SCMH1: variants seen among roughly 807,000 people sequenced by gnomAD.
SCMH1 encodes the protein Scm polycomb group protein homolog 1, also known as polycomb protein SCMH1.
Under a neutral mutation model 70.8 loss-of-function variants are expected in SCMH1, and 37 were observed. That is an observed-to-expected ratio of 0.52 (90% confidence interval 0.40 to 0.69). The LOEUF is 0.69. Among genes scored for constraint, SCMH1 ranks in the 30% least tolerant of loss-of-function variants. The probability of loss-of-function intolerance (pLI) is 0.00; values close to 1 mark genes in which losing one functional copy is unlikely to be tolerated. For missense variants in SCMH1, 607 were observed against 827.3 expected (o/e 0.73, Z 3.27); for synonymous variants, 292 against 307.4 (o/e 0.95, Z 0.52).
At chr1:41,208,034 C>A (rs1655989849) in intron 1 of SCMH1, among the ~76,000 whole-genome samples, 1 of 116,008 alleles carries the variant, frequency 8.6e-6, no homozygotes. Flanking sequence ...CCCAAATGTC[C>A]AACAATGATA....
chr1:41,230,424 C>T (rs58224420), intron 1 of SCMH1, among the ~76,000 whole-genome samples: 1,971 of 152,088 alleles, frequency 0.013, 41 homozygotes, highest in African/African-American at 0.045. Context: ...GAGGCTGAGG[C>T]GGGAGGATCA....
intron 10 of SCMH1, among the ~76,000 whole-genome samples, chr1:41,053,897 T>G (rs1357231268): frequency 6.6e-6 from 1 of 151,658 alleles, no homozygotes; most frequent in Non-Finnish European, 1.5e-5. Context: ...CAGGCTGGAG[T>G]GCATTGGCGT....
chr1:41,033,236 T>C (rs1558289955), intron 13 of SCMH1, among the ~76,000 whole-genome samples: 1 of 148,794 alleles, frequency 6.7e-6, no homozygotes, highest in Non-Finnish European at 1.5e-5. Flanking sequence ...CAATGAGCCA[T>C]GATTGAGCCA....
At chr1:41,071,690 T>A (rs1656572088) in intron 9 of SCMH1, among the ~76,000 whole-genome samples, 1 of 151,324 alleles carries the variant, frequency 6.6e-6, no homozygotes, top group South Asian at 2.1e-4. Flanking sequence ...TGAGACAGAG[T>A]CTTGCTCTGT....
In SCMH1 at chr1:41,170,511, G is replaced by A. The variant is rs575933275; in HGVS notation, c.14-9079C>T. 6.6e-5 allele frequency among the ~76,000 whole-genome samples: 10 copies of A among 152,284 alleles called. No individual in the cohort carries two copies. The East Asian group carries it at 1.9e-3, about 29-fold the overall frequency. On this transcript the variant is annotated intron_variant, in intron 2 of 14. Transcript: ENST00000337495. ...TTTGGTGCATTCATGGGTGGAGGGA[G>A]AGTCAGGAGTTTCCTATTCTGCCAC...
At chr1:41,109,026 A>T (rs1668644560) in intron 8 of SCMH1, among the ~76,000 whole-genome samples, 1 of 152,172 alleles carries the variant, frequency 6.6e-6, no homozygotes, top group African/African-American at 2.4e-5. Context: ...GAAGCTTTGA[A>T]GAAGGGCCAA....
At chr1:41,177,170 G>T (rs1647219652) in intron 2 of SCMH1, among the ~76,000 whole-genome samples, 1 of 152,238 alleles carries the variant, frequency 6.6e-6, no homozygotes, top group Non-Finnish European at 1.5e-5. Flanking sequence ...TAGACCTGCA[G>T]CTGAGGGTCC....
At chr1:41,184,815 AAC>A (rs1158513556) in intron 2 of SCMH1, among the ~76,000 whole-genome samples, 1 of 152,184 alleles carries the variant, frequency 6.6e-6, no homozygotes, top group African/African-American at 2.4e-5. Flanking sequence ...TAACTAGATA[AAC>A]TTCTAAGACC....
intron 1 of SCMH1, among the ~76,000 whole-genome samples, chr1:41,220,920 G>C (rs1659120345): frequency 6.6e-6 from 1 of 152,192 alleles, no homozygotes; most frequent in Non-Finnish European, 1.5e-5. Context: ...AGAAATCTTA[G>C]AGAGAACACA....
At chr1:41,093,540 C>A (rs1664253604) in intron 8 of SCMH1, among the ~76,000 whole-genome samples, 1 of 152,002 alleles carries the variant, frequency 6.6e-6, no homozygotes, top group East Asian at 1.9e-4. Flanking sequence ...AAAAGTTAAT[C>A]AAAATGTGAA....
chr1:41,071,376 CCT>C (rs1237113509), intron 9 of SCMH1, among the ~76,000 whole-genome samples: 2 of 151,942 alleles, frequency 1.3e-5, no homozygotes, highest in Non-Finnish European at 2.9e-5. Context: ...TTTTATGTTA[CCT>C]CTGTTTTTTG....
chr1:41,036,414 C>A (rs991217256), intron 13 of SCMH1, among the ~76,000 whole-genome samples: 1 of 152,218 alleles, frequency 6.6e-6, no homozygotes, highest in Non-Finnish European at 1.5e-5. Flanking sequence ...TTCCTCACAT[C>A]TGATTAAATC....
At chr1:41,239,986 A>G (rs767053812) in intron 1 of SCMH1, among the ~76,000 whole-genome samples, 19 of 152,162 alleles carry the variant, frequency 1.2e-4, no homozygotes, top group Non-Finnish European at 1.5e-5. Flanking sequence ...CTCATAGTTA[A>G]GTATCCTCTA....
intron 1 of SCMH1, among the ~76,000 whole-genome samples, chr1:41,200,548 G>A (rs1654120409): frequency 6.7e-6 from 1 of 149,426 alleles, no homozygotes; most frequent in South Asian, 2.1e-4. Flanking sequence ...ATGCTTGTGA[G>A]GAAAACAGAG....
chr1:41,046,306 G>A (rs1371714731), intron 12 of SCMH1, 101 bp downstream of exon 12: 8 of 948,528 alleles, frequency 8.4e-6, no homozygotes, highest in Non-Finnish European at 1.3e-5. Context: ...CTAGATAGTA[G>A]GTGCCAGGCC....
chr1:41,102,082 T>A (rs1472065343), intron 8 of SCMH1, among the ~76,000 whole-genome samples: 2 of 152,228 alleles, frequency 1.3e-5, no homozygotes, highest in Non-Finnish European at 2.9e-5. Flanking sequence ...GAATTTATCA[T>A]CAGATTTCTC....
At chr1:41,145,811 C>G (rs1335508404) in intron 5 of SCMH1, among the ~76,000 whole-genome samples, 1 of 152,150 alleles carries the variant, frequency 6.6e-6, no homozygotes, top group Non-Finnish European at 1.5e-5. Context: ...TAGAGCAACA[C>G]ATTACTCACA....
intron 10 of SCMH1, 151 bp downstream of exon 10, chr1:41,070,444 A>G (rs902983766): frequency 1.9e-6 from 2 of 1,047,820 alleles, no homozygotes; most frequent in African/African-American, 1.6e-5. Flanking sequence ...TGATTGTCTG[A>G]CATTATTTCA....
chr1:41,224,367 A>G (rs1659870426), intron 1 of SCMH1, among the ~76,000 whole-genome samples: 1 of 152,224 alleles, frequency 6.6e-6, no homozygotes, highest in Admixed American at 6.5e-5. Context: ...AATACTGAAT[A>G]GTTGAAATGA....
Sources: allele counts gnomAD v4.1 joint callset (sites outside exome capture counted in the v4.1 genomes callset), GRCh38; gene constraint gnomAD v4.1.1; transcripts MANE v1.5; gene names NCBI Gene and HGNC (gene_info 2026-07-23, HGNC 2026-07-21).